Variants in AIG1 observed in about 807,000 individuals in gnomAD.
The protein encoded by AIG1 is androgen-induced gene 1 protein.
In AIG1, 23 loss-of-function variants were observed where a neutral mutation model predicts 31.4. That is an observed-to-expected ratio of 0.73 (90% CI 0.53 to 1.04). AIG1 has a LOEUF of 1.04. Ranked by LOEUF, AIG1 falls within the 50% of genes least tolerant of loss-of-function variation. The pLI is 0.00. For missense variants in AIG1, 274 were observed against 295.0 expected, an observed-to-expected ratio of 0.93 and a Z score of 0.52; for synonymous variants, 100 against 110.5, an observed-to-expected ratio of 0.90 and a Z score of 0.60.
chr6:143,252,164 G>C (rs1484017035), intron 3 of AIG1, among the ~76,000 whole-genome samples: 2 of 152,114 alleles, frequency 1.3e-5, no homozygotes, highest in East Asian at 3.9e-4. Context: ...TTGTTGCCCA[G>C]GCTGGAGTGC....
At position 143,216,269 on chromosome 6, in the gene AIG1, C is replaced by T. The variant is rs147070721; in HGVS notation, c.399+51086C>T. On this transcript the variant is annotated intron_variant, in intron 3 of 5. Transcript: ENST00000357847. Reference sequence around the variant, plus strand: ...TTTCCAGACTCTTGATTATTAAGACCGGATGATCGAGGGCTTTTCTAAGTT... The same window carrying T: ...TTTCCAGACTCTTGATTATTAAGACTGGATGATCGAGGGCTTTTCTAAGTT... Among the ~76,000 whole-genome samples the T allele has an allele frequency of 7.1e-3, 1,076 of 152,102 alleles. 13 individuals carry two copies. The highest frequency in any genetic ancestry group is 0.025 in the African/African-American group (1,022 of 41,472).
At chr6:143,059,677 T>A (rs934180555), upstream of AIG1, among the ~76,000 whole-genome samples, 1 of 152,214 alleles carries the variant, frequency 6.6e-6, no homozygotes, top group African/African-American at 2.4e-5. Context: ...CAGGAAAACA[T>A]CCATGGCTTG....
intron 4 of AIG1, among the ~76,000 whole-genome samples, chr6:143,289,091 C>T (rs1797883178): frequency 1.3e-5 from 2 of 152,102 alleles, no homozygotes; most frequent in South Asian, 4.1e-4. Flanking sequence ...TGTCTCTTTT[C>T]AGACCCTAAA....
chr6:143,184,770 A>G (rs922465565), intron 3 of AIG1, among the ~76,000 whole-genome samples: 1 of 152,158 alleles, frequency 6.6e-6, no homozygotes, highest in Non-Finnish European at 1.5e-5. Flanking sequence ...CTTTCTCCAG[A>G]TCATGGAGAT....
intron 3 of AIG1, among the ~76,000 whole-genome samples, chr6:143,247,528 G>A (rs933964579): frequency 1.3e-5 from 2 of 152,172 alleles, no homozygotes; most frequent in African/African-American, 4.8e-5. Flanking sequence ...TAGACTGTCT[G>A]GTGGCTAAAG....
rs138112251 is a variant in AIG1 at position 143,288,782 on chromosome 6, T to C, written c.515+4557T>C. On this transcript the variant is annotated intron_variant, in intron 4 of 5. Coordinates refer to ENST00000357847, the MANE Select transcript of AIG1 (RefSeq NM_016108.4). This position sits in a 1 kb window ranked among gnomAD's most constrained non-coding sequence, Gnocchi z 4.4. ...ATGGTTGGGTTACAGTTTGGTTTTATACATTTTAAAGAGACAGAAGTTACA... is the reference window on the plus strand; with the variant it reads ...ATGGTTGGGTTACAGTTTGGTTTTACACATTTTAAAGAGACAGAAGTTACA... Among the ~76,000 whole-genome samples the C allele has an allele frequency of 4.0e-3, 605 of 152,296 alleles. 4 individuals carry two copies. The highest frequency in any genetic ancestry group is 0.014 in the Middle Eastern group (4 of 294).
intron 4 of AIG1, among the ~76,000 whole-genome samples, chr6:143,286,424 A>G (rs1797683518): frequency 6.6e-6 from 1 of 152,252 alleles, no homozygotes; most frequent in South Asian, 2.1e-4. Flanking sequence ...GTTCTGAGAA[A>G]GCATTCAAAG....
Position 143,258,746 on chromosome 6 carries a change from C to A in AIG1, c.400-25364C>A, listed in dbSNP as rs182635003. ...AAAAAAGTCTTATATTCTAGACCCA[C>A]CCCCTGTCAAAACTGAGGTTGAAAT... On this transcript the variant is annotated intron_variant, in intron 3 of 5. Coordinates refer to ENST00000357847, the MANE Select transcript of AIG1 (RefSeq NM_016108.4). The surrounding 1 kb of genome is among the most constrained non-coding windows in gnomAD (Gnocchi z 4.7). Among the ~76,000 whole-genome samples, 2 of 152,164 alleles carry A rather than the reference C, an allele frequency of 1.3e-5. No individual in the cohort carries two copies. The highest frequency in any genetic ancestry group is 2.4e-5 in the African/African-American group (1 of 41,424).
intron 3 of AIG1, among the ~76,000 whole-genome samples, chr6:143,282,125 G>A (rs1797376995): frequency 6.6e-6 from 1 of 151,982 alleles, no homozygotes; most frequent in African/African-American, 2.4e-5. Context: ...TATTCTGATT[G>A]GTTATTTATA....
intron 1 of AIG1, among the ~76,000 whole-genome samples, chr6:143,130,803 A>G (rs1783157646): frequency 6.6e-6 from 1 of 152,176 alleles, no homozygotes; most frequent in Non-Finnish European, 1.5e-5. Context: ...GGTTTGTTGT[A>G]CAGATTGTTT....
chr6:143,134,189 G>A (rs1356650475), intron 1 of AIG1, among the ~76,000 whole-genome samples: 1 of 151,876 alleles, frequency 6.6e-6, no homozygotes, highest in Admixed American at 6.6e-5. Flanking sequence ...ACCAACTTAA[G>A]AAATAAAATA....
intron 2 of AIG1, among the ~76,000 whole-genome samples, chr6:143,149,812 CAT>C (rs1261972092): frequency 2.6e-5 from 4 of 152,316 alleles, no homozygotes; most frequent in African/African-American, 9.6e-5. Flanking sequence ...TAAGCTACCA[CAT>C]GTTTACCCAA....
intron 1 of AIG1, among the ~76,000 whole-genome samples, chr6:143,063,577 T>G (rs1776445216): frequency 6.6e-6 from 1 of 152,250 alleles, no homozygotes; most frequent in Non-Finnish European, 1.5e-5. Flanking sequence ...CTACTATAAT[T>G]TAGCCATTTT....
rs9496552 is a variant in AIG1, at chr6:143,268,783, T to C, written c.400-15327T>C. Among the ~76,000 whole-genome samples the C allele has an allele frequency of 0.24, 36,487 of 152,204 alleles. 6,464 individuals are homozygous for C. Among genetic ancestry groups the C allele is most frequent in the African/African-American group, 0.51 (21,195 of 41,486 alleles). ...ACCATGTTTGGTGGATGCCAGGATG[T>C]GCCACACAGGTCCCCTTTGGGGATT... On this transcript the variant is annotated intron_variant, in intron 3 of 5. Transcript: ENST00000357847. This position sits in a 1 kb window ranked among gnomAD's most constrained non-coding sequence, Gnocchi z 5.0.
intron 3 of AIG1, among the ~76,000 whole-genome samples, chr6:143,218,611 G>A (rs974294376): frequency 1.3e-5 from 2 of 152,068 alleles, no homozygotes; most frequent in Non-Finnish European, 2.9e-5. Flanking sequence ...AAGTATCCGG[G>A]TGGTATCCTC....
Position 143,325,329 on chromosome 6 carries a change from C to T in AIG1, c.516-7953C>T, listed in dbSNP as rs114918876. Reference sequence around the variant, plus strand: ...CACTTCCTTCAGACCCTGTACTCTTCCTGGGTCTCAGTCTGTCCTGATAGT... The same window carrying T: ...CACTTCCTTCAGACCCTGTACTCTTTCTGGGTCTCAGTCTGTCCTGATAGT... On this transcript the variant is annotated intron_variant, in intron 4 of 5. Transcript: ENST00000357847. This position sits in a 1 kb window ranked among gnomAD's most constrained non-coding sequence, Gnocchi z 4.3. 0.012 allele frequency among the ~76,000 whole-genome samples: 1,756 copies of T among 151,740 alleles called. 34 individuals are homozygous for T. Among genetic ancestry groups the T allele is most frequent in the African/African-American group, 0.039 (1,586 of 40,994 alleles).
intron 2 of AIG1, among the ~76,000 whole-genome samples, chr6:143,150,207 T>C (rs1249645842): frequency 6.6e-6 from 1 of 152,230 alleles, no homozygotes; most frequent in Non-Finnish European, 1.5e-5. Context: ...GCAAACACTC[T>C]AGCATCCTGA....
chr6:143,301,221 A>G (rs1365916349), intron 4 of AIG1, among the ~76,000 whole-genome samples: 1 of 152,248 alleles, frequency 6.6e-6, no homozygotes, highest in Non-Finnish European at 1.5e-5. Context: ...CTCGGATTGC[A>G]ATGTTCAAGG....
chr6:143,245,405 T>C (rs1424130489), intron 3 of AIG1, among the ~76,000 whole-genome samples: 1 of 150,814 alleles, frequency 6.6e-6, no homozygotes, highest in East Asian at 1.9e-4. Flanking sequence ...GGTGATTTGA[T>C]TTTTTCCCCT....
Sources: gnomAD v4.1 joint callset for allele counts (sites outside exome capture counted in the v4.1 genomes callset) on GRCh38, gnomAD v4.1.1 for gene constraint, Gnocchi (gnomAD v3.1) non-coding constraint, MANE v1.5 for transcripts, NCBI Gene and HGNC (gene_info 2026-07-23, HGNC 2026-07-21) for gene names.